The following NCKAP5 variants were observed in gnomAD, a reference collection of about 807,000 sequenced individuals.
NCKAP5 encodes the protein nck-associated protein 5.
In NCKAP5, 92 loss-of-function variants were observed where a neutral mutation model predicts 167.0. That is an observed-to-expected ratio of 0.55 (90% CI 0.47 to 0.66). NCKAP5 has a LOEUF of 0.66. Ranked by LOEUF, NCKAP5 falls within the 30% of genes least tolerant of loss-of-function variation. NCKAP5 has a pLI of 0.00. For missense variants in NCKAP5, 2,378 were observed against 2,315.0 expected, an observed-to-expected ratio of 1.03 and a Z score of -0.56; for synonymous variants, 891 against 877.4, an observed-to-expected ratio of 1.02 and a Z score of -0.27.
intron 3 of NCKAP5, among the ~76,000 whole-genome samples, chr2:133,465,236 C>A (rs569403881): frequency 6.8e-6 from 1 of 146,914 alleles, no homozygotes; most frequent in South Asian, 2.2e-4. Context: ...TCAATTCCCA[C>A]CTATGAGTGA....
chr2:132,771,850 T>TC (rs1682094684), intron 16 of NCKAP5, among the ~76,000 whole-genome samples: 1 of 144,510 alleles, frequency 6.9e-6, no homozygotes, highest in Non-Finnish European at 1.5e-5. Context: ...TTTTTTTTTT[T>TC]TTTTTTTTTT....
chr2:133,046,078 G>T (rs2079390330), intron 6 of NCKAP5, among the ~76,000 whole-genome samples: 1 of 152,192 alleles, frequency 6.6e-6, no homozygotes, highest in African/African-American at 2.4e-5. Context: ...AAGCTCCTCA[G>T]AAGAGTGCCA....
chr2:133,559,018 A>G (rs1358437155), intron 2 of NCKAP5, 32 bp downstream of exon 2: 2 of 152,110 alleles, frequency 1.3e-5, no homozygotes, highest in Non-Finnish European at 2.9e-5. Flanking sequence ...ATGTATTAAT[A>G]GTATTATTAA....
chr2:133,519,804 T>G (rs1293551348), intron 2 of NCKAP5, among the ~76,000 whole-genome samples: 2 of 152,160 alleles, frequency 1.3e-5, no homozygotes, highest in African/African-American at 4.8e-5. Context: ...GAACTCATAT[T>G]TTAGTGAGGC....
chr2:133,466,683 C>T (rs1026289782), intron 3 of NCKAP5, among the ~76,000 whole-genome samples: 5 of 152,134 alleles, frequency 3.3e-5, no homozygotes, highest in African/African-American at 1.2e-4. Context: ...TCTTTTATTT[C>T]CTTGAGCAGT....
At chr2:132,809,938 G>C (rs1208388412) in intron 11 of NCKAP5, among the ~76,000 whole-genome samples, 1 of 152,152 alleles carries the variant, frequency 6.6e-6, no homozygotes, top group Admixed American at 6.5e-5. Flanking sequence ...TTTGTTTCAA[G>C]ATTTAGAGCT....
At chr2:133,203,275 C>A (rs1263397046) in intron 5 of NCKAP5, among the ~76,000 whole-genome samples, 4 of 152,068 alleles carry the variant, frequency 2.6e-5, no homozygotes, top group Admixed American at 6.6e-5. Flanking sequence ...TCATTCTGAG[C>A]AAACCATCGC....
chr2:133,671,719 TTTCA>T, the NCKAP5 span, among the ~76,000 whole-genome samples: 2 of 150,668 alleles, frequency 1.3e-5, no homozygotes, highest in African/African-American at 2.4e-5. Context: ...AATTACCCAG[TTTCA>T]GGTATTCTGG....
At chr2:132,920,767 GTATGTATATATATATATA>G (rs1695324827) in intron 8 of NCKAP5, among the ~76,000 whole-genome samples, 3 of 31,248 alleles carry the variant, frequency 9.6e-5, no homozygotes, top group African/African-American at 2.4e-4. Context: ...GTATATATAT[GTATGTATATATATATATA>G]TATATATATA....
Position 133,385,894 on chromosome 2 carries a change from T to G in NCKAP5, c.70-82784A>C, listed in dbSNP as rs560695953. Reference sequence around the variant, plus strand: ...TATTTCTGTGGGATTGGTGGTGATATCCCCTTTATCATTTTTATTGCATCT... The same window carrying G: ...TATTTCTGTGGGATTGGTGGTGATAGCCCCTTTATCATTTTTATTGCATCT... On this transcript the variant is annotated intron_variant, in intron 3 of 19. Coordinates refer to ENST00000409261, the MANE Select transcript of NCKAP5 (RefSeq NM_207363.3). Among the ~76,000 whole-genome samples, 4 of 152,342 alleles carry G rather than the reference T, an allele frequency of 2.6e-5. No individual in the cohort carries two copies. The East Asian group carries it at 7.7e-4, about 29-fold the overall frequency.
chr2:133,390,286 A>G (rs73001140), intron 3 of NCKAP5, among the ~76,000 whole-genome samples: 6,829 of 152,172 alleles, frequency 0.045, 465 homozygotes, highest in African/African-American at 0.15. Flanking sequence ...TACAACCGGA[A>G]ACTATTTTAG....
At chr2:132,768,620 G>C (rs1681728000) in intron 16 of NCKAP5, among the ~76,000 whole-genome samples, 1 of 151,118 alleles carries the variant, frequency 6.6e-6, no homozygotes, top group South Asian at 2.1e-4. Flanking sequence ...ATATAGAGCA[G>C]GTTTAGTTAA....
At chr2:133,234,806 G>C (rs1180357500) in intron 4 of NCKAP5, among the ~76,000 whole-genome samples, 1 of 151,422 alleles carries the variant, frequency 6.6e-6, no homozygotes, top group East Asian at 2.0e-4. Context: ...TTACTTTTCA[G>C]AAAGATGAAA....
At chr2:133,243,925 C>G (rs752257317) in intron 4 of NCKAP5, among the ~76,000 whole-genome samples, 27 of 152,188 alleles carry the variant, frequency 1.8e-4, no homozygotes, top group Admixed American at 3.9e-4. Flanking sequence ...AGCTGCAATT[C>G]AGGGTCAAGA....
At chr2:133,661,447 T>G in the NCKAP5 span, among the ~76,000 whole-genome samples, 1 of 152,168 alleles carries the variant, frequency 6.6e-6, no homozygotes, top group Admixed American at 6.5e-5. Context: ...AAAATCAAAA[T>G]TTTCAGCCTT....
At chr2:133,362,080 G>A (rs1002095584) in intron 3 of NCKAP5, among the ~76,000 whole-genome samples, 2 of 152,278 alleles carry the variant, frequency 1.3e-5, no homozygotes, top group African/African-American at 4.8e-5. Context: ...CATCTATAGG[G>A]AGTGTTAGGT....
At chr2:132,923,653 G>C (rs1350944775) in intron 8 of NCKAP5, among the ~76,000 whole-genome samples, 1 of 152,102 alleles carries the variant, frequency 6.6e-6, no homozygotes, top group Non-Finnish European at 1.5e-5. Flanking sequence ...AAAATGCTCA[G>C]CACGAATTGG....
intron 3 of NCKAP5, among the ~76,000 whole-genome samples, chr2:133,417,420 A>G (rs915479358): frequency 6.6e-6 from 1 of 152,066 alleles, no homozygotes; most frequent in African/African-American, 2.4e-5. Context: ...CCTGGAATCG[A>G]CCCCAGGCCC....
chr2:133,265,238 G>A (rs952453406), intron 4 of NCKAP5: 4 of 152,224 alleles, frequency 2.6e-5, no homozygotes, highest in African/African-American at 9.7e-5. Flanking sequence ...CCAGCAACAC[G>A]GGCCTCATTC....
Sources: allele counts gnomAD v4.1 joint callset (sites outside exome capture counted in the v4.1 genomes callset), GRCh38; gene constraint gnomAD v4.1.1; transcripts MANE v1.5; gene names NCBI Gene and HGNC (gene_info 2026-07-23, HGNC 2026-07-21).